Variants in RAD51B observed in about 807,000 individuals in gnomAD.
RAD51B encodes the protein DNA repair protein RAD51 homolog 2.
A neutral mutation model predicts 42.2 loss-of-function variants in RAD51B; 38 were observed. That is an observed-to-expected ratio of 0.90 (90% CI 0.70 to 1.18). The LOEUF is 1.18. RAD51B is among the 50% of genes most tolerant of loss of function. RAD51B has a pLI of 0.00. For synonymous variants in RAD51B, 154 were observed against 145.2 expected, an observed-to-expected ratio of 1.06 and a Z score of -0.43; for missense variants, 373 against 400.7, an observed-to-expected ratio of 0.93 and a Z score of 0.59.
chr14:68,161,630 A>G (rs926005248), intron 7 of RAD51B, among the ~76,000 whole-genome samples: 1 of 152,218 alleles, frequency 6.6e-6, no homozygotes, highest in Non-Finnish European at 1.5e-5. Context: ...GACAAATGTC[A>G]ACTAAAATGT....
chr14:68,616,162 T>TA (rs1224166718), downstream of RAD51B, among the ~76,000 whole-genome samples: 5 of 152,346 alleles, frequency 3.3e-5, no homozygotes, highest in Admixed American at 1.3e-4. Context: ...TTTAATATTT[T>TA]AAAGAAATTT....
chr14:68,509,330 C>T (rs1384554297), intron 10 of RAD51B, among the ~76,000 whole-genome samples: 2 of 152,232 alleles, frequency 1.3e-5, no homozygotes, highest in Non-Finnish European at 2.9e-5. Flanking sequence ...TTATGGCCAT[C>T]CCATGGACAG....
intron 10 of RAD51B, among the ~76,000 whole-genome samples, chr14:68,526,667 C>G (rs143312551): frequency 6.6e-6 from 1 of 152,348 alleles, no homozygotes; most frequent in East Asian, 1.9e-4. Flanking sequence ...CTCACGCCCA[C>G]TGGCAACCCA....
intron 10 of RAD51B, among the ~76,000 whole-genome samples, chr14:68,492,709 T>A (rs527654012): frequency 6.6e-6 from 1 of 152,346 alleles, no homozygotes; most frequent in Admixed American, 6.5e-5. Flanking sequence ...GTTGAGCAGC[T>A]ACCAAATGAT....
chr14:68,592,285 GTA>G (rs1491038815), intron 10 of RAD51B, among the ~76,000 whole-genome samples: 210 of 149,912 alleles, frequency 1.4e-3, no homozygotes, highest in African/African-American at 4.1e-3. Flanking sequence ...GTGTGTGTGT[GTA>G]TGTGTGTGTA....
chr14:67,959,628 A>G (rs1004668144), intron 7 of RAD51B, among the ~76,000 whole-genome samples: 1 of 152,222 alleles, frequency 6.6e-6, no homozygotes, highest in Non-Finnish European at 1.5e-5. Flanking sequence ...AAGTGTTATT[A>G]GTTGACATAG....
chr14:68,615,144 C>T (rs1056885491), downstream of RAD51B, among the ~76,000 whole-genome samples: 12 of 151,840 alleles, frequency 7.9e-5, no homozygotes, highest in Admixed American at 5.9e-4. Context: ...GTGCTGGGAT[C>T]ATCTGTATCC....
chr14:67,895,116 A>T (rs1566946333), intron 7 of RAD51B, among the ~76,000 whole-genome samples: 1 of 152,120 alleles, frequency 6.6e-6, no homozygotes, highest in Non-Finnish European at 1.5e-5. Context: ...TCTTTTGGAG[A>T]CTGATAGGTA....
intron 10 of RAD51B, among the ~76,000 whole-genome samples, chr14:68,587,001 CCAA>C (rs897041371): frequency 1.1e-4 from 16 of 151,772 alleles, no homozygotes; most frequent in African/African-American, 3.9e-4. Context: ...TGTACTCCAG[CCAA>C]CAAGAGCAAA....
chr14:68,621,533 A>G (rs1891948352), intron 10 of RAD51B, among the ~76,000 whole-genome samples: 1 of 152,220 alleles, frequency 6.6e-6, no homozygotes, highest in Non-Finnish European at 1.5e-5. Flanking sequence ...AAGAGTTGAT[A>G]GCTCCTGGCT....
chr14:67,893,874 CT>C (rs1010902042), intron 7 of RAD51B, among the ~76,000 whole-genome samples: 4 of 152,110 alleles, frequency 2.6e-5, no homozygotes, highest in African/African-American at 9.7e-5. Flanking sequence ...AATTTAAACC[CT>C]GCTCTTCATC....
At chr14:68,321,010 C>T (rs1186655232) in intron 8 of RAD51B, among the ~76,000 whole-genome samples, 8 of 152,114 alleles carry the variant, frequency 5.3e-5, no homozygotes, top group Admixed American at 5.2e-4. Flanking sequence ...AGTATAGAAA[C>T]CTCCTCTTTT....
chr14:68,453,226 T>C (rs2085602279), intron 9 of RAD51B, among the ~76,000 whole-genome samples: 1 of 152,244 alleles, frequency 6.6e-6, no homozygotes. Flanking sequence ...TCATTTGAAA[T>C]TATGTCTGTA....
chr14:68,078,901 A>G (rs1365930949), intron 7 of RAD51B, among the ~76,000 whole-genome samples: 1 of 152,000 alleles, frequency 6.6e-6, no homozygotes, highest in Admixed American at 6.6e-5. Flanking sequence ...GTGGTGGGGG[A>G]ATTGCTTGAG....
At chr14:68,663,173 G>A (rs570522728) in intron 11 of RAD51B, among the ~76,000 whole-genome samples, 53 of 152,306 alleles carry the variant, frequency 3.5e-4, no homozygotes, top group Admixed American at 8.5e-4. Flanking sequence ...GTGGTGGTGC[G>A]CACCTATAAT....
chr14:68,366,559 C>CT (rs1179567846), intron 8 of RAD51B, among the ~76,000 whole-genome samples: 1 of 152,226 alleles, frequency 6.6e-6, no homozygotes, highest in Non-Finnish European at 1.5e-5. Flanking sequence ...GCCTTGAAGG[C>CT]TCATCTGAAC....
At chr14:68,446,435 T>C (rs1383170319) in intron 9 of RAD51B, among the ~76,000 whole-genome samples, 2 of 152,188 alleles carry the variant, frequency 1.3e-5, no homozygotes, top group Non-Finnish European at 2.9e-5. Context: ...AACATGCCTC[T>C]TCAATTTTTT....
intron 7 of RAD51B, among the ~76,000 whole-genome samples, chr14:68,060,317 C>G (rs1346693192): frequency 6.6e-6 from 1 of 152,228 alleles, no homozygotes; most frequent in East Asian, 1.9e-4. Flanking sequence ...TTCTGCTATA[C>G]TTGGTATAGC....
intron 7 of RAD51B, among the ~76,000 whole-genome samples, chr14:68,247,424 C>G (rs1015431420): frequency 2.6e-5 from 4 of 152,040 alleles, no homozygotes; most frequent in Non-Finnish European, 5.9e-5. Context: ...TACTTTTTGC[C>G]CATTTGGAAA....
Sources: allele counts gnomAD v4.1 joint callset (sites outside exome capture counted in the v4.1 genomes callset), GRCh38; gene constraint gnomAD v4.1.1; transcripts MANE v1.5; gene names NCBI Gene and HGNC (gene_info 2026-07-23, HGNC 2026-07-21).